Variants in SMAP1 observed in about 807,000 individuals in gnomAD.
SMAP1 encodes the protein stromal membrane-associated protein 1.
A neutral mutation model predicts 58.5 loss-of-function variants in SMAP1; 24 were observed. The observed-to-expected ratio is 0.41, with a 90% CI of 0.30 to 0.58. The LOEUF (loss-of-function observed/expected upper bound fraction) is 0.58. SMAP1 is among the 20% of genes least tolerant of loss of function. The probability of loss-of-function intolerance (pLI) is 0.29; values close to 1 mark genes in which losing one functional copy is unlikely to be tolerated. For synonymous variants in SMAP1, 216 were observed against 196.6 expected (o/e 1.10, Z -0.82); for missense variants, 563 against 566.3 (o/e 0.99, Z 0.06).
At chr6:70,821,757 C>A (rs1202264026) in intron 6 of SMAP1, among the ~76,000 whole-genome samples, 3 of 152,042 alleles carry the variant, frequency 2.0e-5, no homozygotes, top group African/African-American at 7.2e-5. Context: ...CTACAATGCC[C>A]GCAAGCCTAG....
intron 7 of SMAP1, 50 bp from the exon 8 acceptor site, chr6:70,852,490 A>G: frequency 7.1e-7 from 1 of 1,410,196 alleles, no homozygotes; most frequent in Non-Finnish European, 9.3e-7. Flanking sequence ...GCCATGTTTC[A>G]AGTAATTTAA....
At chr6:70,675,416 C>T (rs778273074) in intron 1 of SMAP1, among the ~76,000 whole-genome samples, 3 of 151,090 alleles carry the variant, frequency 2.0e-5, no homozygotes, top group South Asian at 2.1e-4. Flanking sequence ...GTTGGGAGGC[C>T]GAGGTGGGTG....
chr6:70,754,599 A>G (rs1055047843), intron 2 of SMAP1, among the ~76,000 whole-genome samples: 1 of 152,116 alleles, frequency 6.6e-6, no homozygotes, highest in Non-Finnish European at 1.5e-5. Flanking sequence ...CTCAAAAGAA[A>G]GAAAACTTGT....
At chr6:70,860,104 T>G (rs1473928679) in intron 10 of SMAP1, 96 bp from the exon 11 acceptor site, 6 of 1,385,322 alleles carry the variant, frequency 4.3e-6, no homozygotes, top group Non-Finnish European at 4.8e-6. Flanking sequence ...GGACTAGTTG[T>G]CACATTAATG....
chr6:70,786,236 T>C (rs1768021303), intron 4 of SMAP1, among the ~76,000 whole-genome samples: 1 of 149,120 alleles, frequency 6.7e-6, no homozygotes, highest in African/African-American at 2.5e-5. Context: ...GAAAAGGCCT[T>C]TGACAAAATT....
chr6:70,695,611 T>C (rs945786237), intron 1 of SMAP1, among the ~76,000 whole-genome samples: 1 of 152,254 alleles, frequency 6.6e-6, no homozygotes, highest in African/African-American at 2.4e-5. Flanking sequence ...TGTTGAACTA[T>C]CATTGCATCC....
In SMAP1 at chr6:70,860,259, C is replaced by G. The variant is rs569520907; in HGVS notation, c.1329C>G (p.Gly443=). 6.2e-7 allele frequency: 1 copy of G among 1,613,562 alleles called. No individual in the cohort carries two copies. Among genetic ancestry groups the G allele is most frequent in the East Asian group, 2.2e-5 (1 of 44,852 alleles). The change falls in exon 11 of 11, where the codon GGC becomes GGG. Residue 443 remains glycine (G), a synonymous_variant. Transcript: ENST00000370455. ...ISSATPTAGF[G]QPSSTTAGWS... Reference sequence around the variant, plus strand: ...GTGCAACCCCTACTGCAGGTTTTGGCCAGCCCTCCAGCACAACAGCAGGAT... The same window carrying G: ...GTGCAACCCCTACTGCAGGTTTTGGGCAGCCCTCCAGCACAACAGCAGGAT...
At chr6:70,772,269 ATTACCTGTT>A (rs1562149596) in intron 3 of SMAP1, among the ~76,000 whole-genome samples, 1 of 152,126 alleles carries the variant, frequency 6.6e-6, no homozygotes, top group African/African-American at 2.4e-5. Context: ...ATCCCTTTCT[ATTACCTGTT>A]GCCTCAACTG....
Position 70,798,670 on chromosome 6 carries a change from A to T in SMAP1, c.509A>T (p.Lys170Ile). ...GCTGTGTTTTAGAAAGAAAAGGAAA[A>T]AAAAAAGGAAGAGAAAAAGAGAGAA... ...DKNKLEKEKE[K>I]KKEEKKREKE... The change falls in exon 6 of 11, where the codon AAA becomes ATA. Residue 170 changes from lysine to isoleucine, a missense_variant. Around this residue, in one of 3 missense-constraint regions of SMAP1, gnomAD observed 494 missense variants for 473.8 expected, o/e 1.04. Transcript: ENST00000370455. 3.3e-6 allele frequency: 5 copies of T among 1,536,638 alleles called. No homozygotes were observed. Among genetic ancestry groups the T allele is most frequent in the Non-Finnish European group, 2.6e-6 (3 of 1,143,606 alleles).
chr6:70,671,382 C>T (rs1766257531), intron 1 of SMAP1, among the ~76,000 whole-genome samples: 1 of 152,028 alleles, frequency 6.6e-6, no homozygotes, highest in Admixed American at 6.5e-5. Flanking sequence ...CCAGCCTGGC[C>T]AACATAGTGA....
chr6:70,751,584 GAA>G (rs928013943), intron 2 of SMAP1, among the ~76,000 whole-genome samples: 1 of 143,836 alleles, frequency 7.0e-6, no homozygotes, highest in African/African-American at 2.7e-5. Flanking sequence ...GAGATAAAGA[GAA>G]AAAAAAATAC....
intron 1 of SMAP1, among the ~76,000 whole-genome samples, chr6:70,669,537 G>A (rs1416012867): frequency 2.0e-5 from 3 of 152,138 alleles, no homozygotes; most frequent in Non-Finnish European, 2.9e-5. Flanking sequence ...TACAAAGTCC[G>A]TGCCTGGTTC....
chr6:70,675,388 CA>C (rs1554187904), intron 1 of SMAP1, among the ~76,000 whole-genome samples: 4 of 151,642 alleles, frequency 2.6e-5, no homozygotes, highest in Non-Finnish European at 5.9e-5. Flanking sequence ...CAGTGGTGTA[CA>C]CCTGTAATCC....
At chr6:70,851,650 C>T (rs941028525) in intron 7 of SMAP1, among the ~76,000 whole-genome samples, 2 of 152,140 alleles carry the variant, frequency 1.3e-5, no homozygotes, top group Non-Finnish European at 2.9e-5. Flanking sequence ...CATGCAAACT[C>T]GACCTATAGC....
chr6:70,707,343 CTT>C (rs1767880336), intron 1 of SMAP1, among the ~76,000 whole-genome samples: 1 of 152,018 alleles, frequency 6.6e-6, no homozygotes, highest in South Asian at 2.1e-4. Context: ...CTAAATAAAA[CTT>C]TTATATTATC....
rs773431092 is a variant in SMAP1 at position 70,861,868 on chromosome 6, CTG to C, written c.*1536_*1537del. ...TTTGCTTTCGGTTCCAGTTCTTCGA[CTG>C]TTGTTATCTGTTTGAGAAAGTCAGA... On this transcript the variant is annotated 3_prime_UTR_variant, in exon 11 of 11. Coordinates refer to ENST00000370455, the MANE Select transcript of SMAP1 (RefSeq NM_001044305.3). 2.5e-6 allele frequency: 4 copies of C among 1,614,012 alleles called. No individual in the cohort carries two copies. Among genetic ancestry groups the C allele is most frequent in the Non-Finnish European group, 1.7e-6 (2 of 1,179,974 alleles).
rs1239415069 is a variant in SMAP1 at position 70,667,972 on chromosome 6, C to A, written c.-52C>A. Reference sequence around the variant, plus strand: ...GTGCGTTCACTCTGCCCGGCTCCAGCCAGCGTCCGCCGCCGCCGTAGCTGC... The same window carrying A: ...GTGCGTTCACTCTGCCCGGCTCCAGACAGCGTCCGCCGCCGCCGTAGCTGC... On this transcript the variant is annotated 5_prime_UTR_variant, in exon 1 of 11. Coordinates refer to ENST00000370455, the MANE Select transcript of SMAP1 (RefSeq NM_001044305.3). The A allele has an allele frequency of 2.0e-6, 3 of 1,491,344 alleles. No individual in the cohort carries two copies. Among genetic ancestry groups the A allele is most frequent in the African/African-American group, 1.4e-5 (1 of 69,134 alleles). The allele number at this position is 1,491,344 out of a possible 1,614,324, so 92.4% of individuals were successfully genotyped here.
intron 7 of SMAP1, 105 bp from the exon 8 acceptor site, chr6:70,852,435 T>G: frequency 4.3e-6 from 5 of 1,165,034 alleles, no homozygotes; most frequent in Non-Finnish European, 5.6e-6. Flanking sequence ...TACCAACTTT[T>G]GAACTGTTCT....
chr6:70,772,354 C>T (rs570302283), intron 3 of SMAP1, among the ~76,000 whole-genome samples: 17 of 152,170 alleles, frequency 1.1e-4, no homozygotes, highest in Admixed American at 4.6e-4. Context: ...ATTGTATTAC[C>T]GCCCAGGTAA....
Sources: gnomAD v4.1 joint callset for allele counts (sites outside exome capture counted in the v4.1 genomes callset) on GRCh38, gnomAD v4.1.1 for gene constraint, gnomAD v4.1.1 regional missense constraint, MANE v1.5 for transcripts, NCBI Gene and HGNC (gene_info 2026-07-23, HGNC 2026-07-21) for gene names.